FYB1: variants seen among roughly 807,000 people sequenced by gnomAD.
FYB1 encodes FYN-binding protein 1.
Under a neutral mutation model 94.1 loss-of-function variants are expected in FYB1, and 41 were observed. That is an observed-to-expected ratio of 0.44 (90% CI 0.34 to 0.57). The LOEUF is 0.57. FYB1 is among the 20% of genes least tolerant of loss of function. FYB1 has a pLI of 0.02. For missense variants in FYB1, 1,050 were observed against 976.8 expected (o/e 1.07, Z -1.00); for synonymous variants, 367 against 353.2 (o/e 1.04, Z -0.44).
intron 5 of FYB1, 64 bp from the exon 6 acceptor site, chr5:39,138,755 A>T (rs1337527657): frequency 2.2e-6 from 2 of 927,374 alleles, no homozygotes; most frequent in Non-Finnish European, 3.4e-6. Flanking sequence ...CACATATTAC[A>T]TTGCTTAGAC....
At chr5:39,136,041 A>G (rs1160417737) in intron 7 of FYB1, among the ~76,000 whole-genome samples, 1 of 152,052 alleles carries the variant, frequency 6.6e-6, no homozygotes, top group African/African-American at 2.4e-5. Context: ...TAAATCTACA[A>G]TTTCTTCATG....
chr5:39,164,442 T>C (rs1258512459), intron 2 of FYB1, among the ~76,000 whole-genome samples: 1 of 152,212 alleles, frequency 6.6e-6, no homozygotes, highest in East Asian at 1.9e-4. Context: ...TTGTTGTTGT[T>C]GAGATGGAGT....
At chr5:39,137,905 T>G (rs1241817557) in intron 6 of FYB1, 185 bp from the exon 7 acceptor site, 9 of 666,460 alleles carry the variant, frequency 1.4e-5, no homozygotes, top group Non-Finnish European at 2.2e-5. Flanking sequence ...GGAGGCACAC[T>G]GCTGAGGATA....
At chr5:39,255,766 T>C (rs1289393343) in intron 1 of FYB1, among the ~76,000 whole-genome samples, 2 of 152,116 alleles carry the variant, frequency 1.3e-5, no homozygotes, top group African/African-American at 4.8e-5. Flanking sequence ...ACAAAGTAGG[T>C]AACATAAAAA....
intron 1 of FYB1, chr5:39,212,561 C>T (rs754762261): frequency 2.0e-5 from 3 of 152,160 alleles, no homozygotes; most frequent in Non-Finnish European, 4.4e-5. Context: ...GAAGAAAACG[C>T]ATTTGGTATT....
chr5:39,158,573 A>G (rs1281489630), intron 2 of FYB1, among the ~76,000 whole-genome samples: 2 of 152,178 alleles, frequency 1.3e-5, no homozygotes, highest in African/African-American at 2.4e-5. Context: ...TACTTCACAA[A>G]CTTTGCATTT....
intron 16 of FYB1, among the ~76,000 whole-genome samples, chr5:39,110,959 C>T (rs1190001951): frequency 6.6e-6 from 1 of 151,884 alleles, no homozygotes; most frequent in Non-Finnish European, 1.5e-5. Context: ...TACTGTTTTG[C>T]TATTGGACAG....
chr5:39,242,769 G>A lies in FYB1; in HGVS notation c.-28+31634C>T, dbSNP rs185219861. Among the ~76,000 whole-genome samples the A allele has an allele frequency of 9.4e-3, 1,434 of 152,272 alleles. 9 individuals carry two copies. The highest frequency in any genetic ancestry group is 0.023 in the South Asian group (110 of 4,820). On this transcript the variant is annotated intron_variant, in intron 1 of 1. Transcript: ENST00000510188. ...ACAGTCCCACCAACAGTGTAAAAATGTTCCTATTTCTCCACATCCTCTCCA... is the reference window on the plus strand; with the variant it reads ...ACAGTCCCACCAACAGTGTAAAAATATTCCTATTTCTCCACATCCTCTCCA...
intron 2 of FYB1, among the ~76,000 whole-genome samples, chr5:39,181,777 G>T (rs1746262426): frequency 6.6e-6 from 1 of 152,122 alleles, no homozygotes; most frequent in Non-Finnish European, 1.5e-5. Context: ...TCTAGTGTAA[G>T]TATCTCCAAA....
chr5:39,232,522 A>T (rs2098486), intron 1 of FYB1, among the ~76,000 whole-genome samples: 1,245 of 118,642 alleles, frequency 0.01, 20 homozygotes, highest in African/African-American at 0.066. Context: ...ATAAACATTT[A>T]TTTTATTTAT....
At chr5:39,236,518 A>T (rs1027798405) in intron 1 of FYB1, among the ~76,000 whole-genome samples, 2 of 152,098 alleles carry the variant, frequency 1.3e-5, no homozygotes, top group Non-Finnish European at 2.9e-5. Flanking sequence ...AGAAATTGAG[A>T]TGCCATATCC....
chr5:39,227,222 C>A lies in FYB1; in HGVS notation c.-27-24235G>T, dbSNP rs796685678. ...AAATATACCAAAAAGATATAAAAAT[C>A]AAGTGTAATACATAACTCTTGGTTG... is the stretch of plus-strand genomic sequence containing the variant. On this transcript the variant is annotated intron_variant, in intron 1 of 1. Coordinates refer to the FYB1 transcript ENST00000510188. Among the ~76,000 whole-genome samples the A allele has an allele frequency of 2.4e-4, 36 of 152,002 alleles. 1 individual carries two copies. Among genetic ancestry groups the A allele is most frequent in the African/African-American group, 8.7e-4 (36 of 41,350 alleles).
chr5:39,169,348 G>A (rs140632412), intron 2 of FYB1: 15 of 758,976 alleles, frequency 2.0e-5, no homozygotes, highest in South Asian at 5.4e-5. Context: ...ATTCCCAGAC[G>A]AATACTAAAC....
At chr5:39,117,671 T>C (rs1256037304) in intron 16 of FYB1, among the ~76,000 whole-genome samples, 15 of 152,272 alleles carry the variant, frequency 9.9e-5, no homozygotes, top group African/African-American at 2.4e-4. Context: ...GAAACTCCAT[T>C]TCAATTCCTG....
intron 7 of FYB1, among the ~76,000 whole-genome samples, chr5:39,136,977 C>T (rs371857696): frequency 2.0e-5 from 3 of 152,034 alleles, no homozygotes; most frequent in African/African-American, 7.2e-5. Context: ...GAGAAAATAG[C>T]CCCTGAGTGT....
At chr5:39,165,065 G>A (rs977253121) in intron 2 of FYB1, among the ~76,000 whole-genome samples, 5 of 152,266 alleles carry the variant, frequency 3.3e-5, no homozygotes, top group Non-Finnish European at 7.4e-5. Context: ...ACAAGAGAAG[G>A]TACTCAGTTA....
chr5:39,212,902 G>C (rs774019222), intron 1 of FYB1: 15 of 151,850 alleles, frequency 9.9e-5, no homozygotes, highest in Non-Finnish European at 2.1e-4. Context: ...GAGTGTTCTA[G>C]AGACTCCTTG....
In FYB1 at chr5:39,170,053, G is replaced by A. The variant is rs77165217; in HGVS notation, c.1136-16449C>T. ...TTCAATAGGATGAGAGGCCTCCACTGGTGTCCTAGATCTTACTTTCACATT... is the reference window on the plus strand; with the variant it reads ...TTCAATAGGATGAGAGGCCTCCACTAGTGTCCTAGATCTTACTTTCACATT... On this transcript the variant is annotated intron_variant, in intron 2 of 18. Transcript: ENST00000512982. The A allele has an allele frequency of 5.7e-3, 4,655 of 819,014 alleles. 136 individuals are homozygous for A. In the African/African-American group the frequency reaches 0.069, roughly 12 times the overall value. The allele number at this position is 819,014 out of a possible 1,614,324, so 50.7% of individuals were successfully genotyped here.
chr5:39,140,226 T>G (rs868316777), intron 4 of FYB1, among the ~76,000 whole-genome samples: 3 of 152,166 alleles, frequency 2.0e-5, no homozygotes, highest in African/African-American at 7.2e-5. Flanking sequence ...ATATTTGCAA[T>G]GTTTGAAGTT....
Sources: gnomAD v4.1 joint callset for allele counts (sites outside exome capture counted in the v4.1 genomes callset) on GRCh38, gnomAD v4.1.1 for gene constraint, MANE v1.5 for transcripts, NCBI Gene and HGNC (gene_info 2026-07-23, HGNC 2026-07-21) for gene names.